Variants in THSD7A observed in about 807,000 individuals in gnomAD.
THSD7A encodes thrombospondin type 1 domain containing 7A, also known as thrombospondin type-1 domain-containing protein 7A.
In THSD7A, 96 loss-of-function variants were observed where a neutral mutation model predicts 231.3. That is an observed-to-expected ratio of 0.41 (90% CI 0.35 to 0.49). THSD7A has a LOEUF of 0.49. Among genes scored for constraint, THSD7A ranks in the 20% least tolerant of loss-of-function variants. THSD7A has a pLI of 0.05. For missense variants in THSD7A, 2,290 were observed against 2,070.2 expected (o/e 1.11, Z -2.06); for synonymous variants, 940 against 743.3 (o/e 1.26, Z -4.30).
chr7:11,711,140 ATAAAT>A (rs1200275007), intron 1 of THSD7A, among the ~76,000 whole-genome samples: 39 of 150,950 alleles, frequency 2.6e-4, no homozygotes, highest in African/African-American at 9.2e-4. Context: ...TTGAAGTAAT[ATAAAT>A]TAATCAGAAA....
At chr7:11,627,627 G>A (rs1462115639) in intron 2 of THSD7A, among the ~76,000 whole-genome samples, 1 of 152,054 alleles carries the variant, frequency 6.6e-6, no homozygotes, top group Non-Finnish European at 1.5e-5. Flanking sequence ...AGATCAGAAT[G>A]GGAGATGTAC....
intron 2 of THSD7A, among the ~76,000 whole-genome samples, chr7:11,629,795 C>T (rs942932023): frequency 2.0e-5 from 3 of 152,096 alleles, no homozygotes; most frequent in African/African-American, 7.2e-5. Flanking sequence ...AACTCTCTGC[C>T]AAGAAAGATA....
At chr7:11,517,441 T>G (rs1228226702) in intron 6 of THSD7A, among the ~76,000 whole-genome samples, 2 of 151,236 alleles carry the variant, frequency 1.3e-5, no homozygotes, top group Admixed American at 1.3e-4. Context: ...AAAAAAGGTT[T>G]GCCCTCCTGA....
chr7:11,591,945 TC>T (rs1157091436), intron 3 of THSD7A, among the ~76,000 whole-genome samples: 1 of 152,172 alleles, frequency 6.6e-6, no homozygotes, highest in African/African-American at 2.4e-5. Context: ...GAAAAATGCT[TC>T]CCCCCAAAAA....
At chr7:11,683,455 A>G (rs1783946038) in intron 1 of THSD7A, among the ~76,000 whole-genome samples, 1 of 152,028 alleles carries the variant, frequency 6.6e-6, no homozygotes, top group Admixed American at 6.6e-5. Flanking sequence ...TTCTGAAAAG[A>G]TAAACAAGAT....
chr7:11,745,667 A>G (rs899416967), intron 1 of THSD7A, among the ~76,000 whole-genome samples: 3 of 152,114 alleles, frequency 2.0e-5, no homozygotes, highest in South Asian at 2.1e-4. Context: ...ACATATGGCC[A>G]GCCAGTTTTC....
rs1009686630 is a variant in THSD7A at position 11,504,937 on chromosome 7, A to T, written c.1823-22955T>A. ...ATATTTAAGGTAAACAATCCAAAAC[A>T]CTTTAATAAAAATAATAACTGCTAA... On this transcript the variant is annotated intron_variant, in intron 6 of 27. Transcript: ENST00000423059. Among the ~76,000 whole-genome samples the T allele has an allele frequency of 5.3e-5, 8 of 152,148 alleles. No individual in the cohort carries two copies. The South Asian group carries it at 1.7e-3, about 31-fold the overall frequency.
At chr7:11,642,635 A>G (rs951826552) in intron 1 of THSD7A, among the ~76,000 whole-genome samples, 6 of 152,168 alleles carry the variant, frequency 3.9e-5, no homozygotes, top group African/African-American at 1.4e-4. Context: ...TGTAATTGAT[A>G]GACTCACAAT....
At chr7:11,575,927 A>G (rs575819566) in intron 4 of THSD7A, among the ~76,000 whole-genome samples, 2 of 152,292 alleles carry the variant, frequency 1.3e-5, no homozygotes, top group South Asian at 4.1e-4. Context: ...TTTTTTATGA[A>G]GGCCCACTGG....
intron 2 of THSD7A, among the ~76,000 whole-genome samples, chr7:11,635,631 T>G (rs901526515): frequency 1.3e-5 from 2 of 152,172 alleles, no homozygotes; most frequent in African/African-American, 4.8e-5. Flanking sequence ...AGTTATTCCA[T>G]TATATACAAT....
At chr7:11,483,288 C>G (rs1189997955) in intron 6 of THSD7A, among the ~76,000 whole-genome samples, 1 of 152,116 alleles carries the variant, frequency 6.6e-6, no homozygotes, top group Non-Finnish European at 1.5e-5. Flanking sequence ...ATGTTAATAG[C>G]TACTAGCTTG....
intron 1 of THSD7A, among the ~76,000 whole-genome samples, chr7:11,758,131 C>T (rs759562630): frequency 1.0e-4 from 15 of 150,440 alleles, no homozygotes; most frequent in Non-Finnish European, 1.9e-4. Flanking sequence ...TGAGTAAAAA[C>T]GAAAAGTCAC....
intron 9 of THSD7A, among the ~76,000 whole-genome samples, chr7:11,466,910 C>T (rs1387315470): frequency 6.6e-6 from 1 of 152,086 alleles, no homozygotes; most frequent in African/African-American, 2.4e-5. Flanking sequence ...CCCATTATGC[C>T]TCACATGCCT....
chr7:11,694,682 T>C (rs529179008), intron 1 of THSD7A, among the ~76,000 whole-genome samples: 1 of 151,700 alleles, frequency 6.6e-6, no homozygotes, highest in Admixed American at 6.6e-5. Flanking sequence ...GCTGGGTTTC[T>C]GGTTCACCTC....
At chr7:11,699,849 T>C (rs570690720) in intron 1 of THSD7A, among the ~76,000 whole-genome samples, 28 of 151,278 alleles carry the variant, frequency 1.9e-4, no homozygotes, top group African/African-American at 6.8e-4. Context: ...GACTATAATT[T>C]GCATGGATGG....
Position 11,379,199 on chromosome 7 carries a change from C to T in THSD7A, c.4672G>A (p.Val1558Met), listed in dbSNP as rs373536266. 8.1e-6 allele frequency: 13 copies of T among 1,613,506 alleles called. No homozygotes were observed. The highest frequency in any genetic ancestry group is 1.7e-4 in the Middle Eastern group (1 of 6,056). ...TCCTCCATGGTGGGTAATACCACCA[C>T]GGGGATAAGTGTGCATTGCTCAAGG... The part of the protein sequence containing the change: ...STLEQCTLIP[V>M]VVLPTMEDKR... Residue 1558 changes from valine to methionine, a missense_variant, in exon 26 of 28, where the codon GTG (valine) becomes ATG (methionine). Transcript: ENST00000423059.
intron 13 of THSD7A, among the ~76,000 whole-genome samples, chr7:11,443,493 T>G (rs1191137089): frequency 6.6e-6 from 1 of 152,068 alleles, no homozygotes; most frequent in Non-Finnish European, 1.5e-5. Context: ...TTTATAGTTA[T>G]TGTTCTCAAG....
intron 6 of THSD7A, among the ~76,000 whole-genome samples, chr7:11,536,623 T>G (rs1788926983): frequency 6.6e-6 from 1 of 152,164 alleles, no homozygotes; most frequent in East Asian, 1.9e-4. Context: ...AACCTGGGAA[T>G]GGTTTTAGGA....
chr7:11,452,619 TC>T (rs920650433), intron 11 of THSD7A, among the ~76,000 whole-genome samples: 1 of 151,914 alleles, frequency 6.6e-6, no homozygotes, highest in African/African-American at 2.4e-5. Flanking sequence ...TTGGCTAAGA[TC>T]CCCAGTTGGG....
Sources: gnomAD v4.1 joint callset for allele counts (sites outside exome capture counted in the v4.1 genomes callset) on GRCh38, gnomAD v4.1.1 for gene constraint, MANE v1.5 for transcripts, NCBI Gene and HGNC (gene_info 2026-07-23, HGNC 2026-07-21) for gene names.